RBFOX3: variants seen among roughly 807,000 people sequenced by gnomAD.
RBFOX3 encodes the protein RNA binding fox-1 homolog 3, also known as RNA binding protein fox-1 homolog 3.
Under a neutral mutation model 48.7 loss-of-function variants are expected in RBFOX3, and 17 were observed. The ratio of observed to expected loss-of-function variants is 0.35; its 90% CI spans 0.24 to 0.52. The LOEUF (loss-of-function observed/expected upper bound fraction) is 0.52, where lower values mean the gene tolerates loss of function less well. Among genes scored for constraint, RBFOX3 ranks in the 20% least tolerant of loss-of-function variants. The pLI, the probability that RBFOX3 is intolerant of heterozygous loss-of-function variation, is 0.94. For missense variants in RBFOX3, 382 were observed against 497.5 expected (o/e 0.77, Z 2.21); for synonymous variants, 212 against 209.5 (o/e 1.01, Z -0.10).
At chr17:79,579,647 A>G (rs2092981154) in intron 1 of RBFOX3, among the ~76,000 whole-genome samples, 1 of 151,820 alleles carries the variant, frequency 6.6e-6, no homozygotes, top group Non-Finnish European at 1.5e-5. Context: ...ATGGAGCAGA[A>G]TGTGGTCAGG....
At chr17:79,357,755 T>G (rs2085467787) in intron 2 of RBFOX3, among the ~76,000 whole-genome samples, 1 of 151,722 alleles carries the variant, frequency 6.6e-6, no homozygotes, top group Admixed American at 6.6e-5. Flanking sequence ...GAAGTGCGTT[T>G]GTTGAATTTG....
chr17:79,152,928 T>A (rs1045626121), intron 4 of RBFOX3, among the ~76,000 whole-genome samples: 1 of 152,008 alleles, frequency 6.6e-6, no homozygotes, highest in Non-Finnish European at 1.5e-5. Flanking sequence ...GTGCTGGGGG[T>A]GTTTCCAGCC....
At chr17:79,345,249 T>C (rs1329213678) in intron 2 of RBFOX3, among the ~76,000 whole-genome samples, 3 of 152,256 alleles carry the variant, frequency 2.0e-5, no homozygotes, top group Non-Finnish European at 1.5e-5. Context: ...GACATTTACG[T>C]GCATAGAGTT....
chr17:79,102,193 T>C (rs1347202092), intron 8 of RBFOX3, among the ~76,000 whole-genome samples: 4 of 152,266 alleles, frequency 2.6e-5, no homozygotes, highest in Non-Finnish European at 4.4e-5. Context: ...GGGCACGAAG[T>C]CACCTATTTT....
At chr17:79,529,604 A>G (rs147863705) in intron 1 of RBFOX3, among the ~76,000 whole-genome samples, 27,619 of 152,138 alleles carry the variant, frequency 0.18, 6,593 homozygotes, top group African/African-American at 0.55. Context: ...CCAAGAGGGA[A>G]GAGGATGCTT....
At chr17:79,208,452 C>T (rs570691758) in intron 4 of RBFOX3, 2 of 152,454 alleles carry the variant, frequency 1.3e-5, no homozygotes, top group Admixed American at 1.3e-4. Context: ...CACTTGCCTT[C>T]TGCTGGGGTC....
chr17:79,092,357 G>A (rs55855928), intron 14 of RBFOX3: 94,935 of 985,518 alleles, frequency 0.096, 5,062 homozygotes, highest in African/African-American at 0.17. Context: ...AGGAAATCAC[G>A]GTTGCAGACA....
At chr17:79,478,329 G>A (rs1050705075) in intron 2 of RBFOX3, among the ~76,000 whole-genome samples, 12 of 152,232 alleles carry the variant, frequency 7.9e-5, no homozygotes, top group African/African-American at 2.7e-4. Flanking sequence ...GGATGGATGA[G>A]TTTGGATAGT....
At chr17:79,117,919 C>G (rs900304356) in intron 4 of RBFOX3, among the ~76,000 whole-genome samples, 2 of 152,196 alleles carry the variant, frequency 1.3e-5, no homozygotes, top group African/African-American at 4.8e-5. Flanking sequence ...CCTGGCTGCA[C>G]CAGGGAGGTG....
intron 1 of RBFOX3, among the ~76,000 whole-genome samples, chr17:79,497,653 C>A (rs1392238849): frequency 1.3e-5 from 2 of 152,262 alleles, no homozygotes; most frequent in Admixed American, 1.3e-4. Flanking sequence ...TGTCCTCTTC[C>A]CAGCCCCCCA....
At chr17:79,215,155 G>A (rs994979239) in intron 4 of RBFOX3, among the ~76,000 whole-genome samples, 2 of 152,170 alleles carry the variant, frequency 1.3e-5, no homozygotes, top group Non-Finnish European at 2.9e-5. Context: ...GTTGGCTCTG[G>A]GGGAAGTGGG....
intron 2 of RBFOX3, among the ~76,000 whole-genome samples, chr17:79,348,524 T>A (rs935123431): frequency 1.3e-5 from 2 of 151,032 alleles, no homozygotes; most frequent in Non-Finnish European, 2.9e-5. Flanking sequence ...AAGGAGCTAG[T>A]GGTCTTGCTG....
chr17:79,428,658 T>C (rs930208507), intron 2 of RBFOX3, among the ~76,000 whole-genome samples: 5 of 152,166 alleles, frequency 3.3e-5, no homozygotes, highest in Admixed American at 1.3e-4. Context: ...GACGCCCACG[T>C]CCACACCCCT....
Position 79,250,469 on chromosome 17 carries a change from T to G in RBFOX3, c.-73-14664A>C, listed in dbSNP as rs8075574. Among the ~76,000 whole-genome samples the G allele has an allele frequency of 5.7e-3, 870 of 152,318 alleles. 10 individuals are homozygous for G. Among genetic ancestry groups the G allele is most frequent in the African/African-American group, 0.02 (823 of 41,560 alleles). ...TTTAAAGAATAATAAAAATAATTTT[T>G]GTTGTAGGAGGAGTTCCTGATGAGG... On this transcript the variant is annotated intron_variant, in intron 3 of 14. Transcript: ENST00000693108.
chr17:79,470,135 GC>G (rs1384424574), intron 2 of RBFOX3, among the ~76,000 whole-genome samples: 11 of 152,054 alleles, frequency 7.2e-5, no homozygotes, highest in African/African-American at 2.7e-4. Flanking sequence ...ACAGCCCCTG[GC>G]CCCGATCCAG....
intron 14 of RBFOX3, 24 bp downstream of exon 14, chr17:79,094,427 G>A: frequency 3.4e-6 from 5 of 1,486,998 alleles, no homozygotes; most frequent in South Asian, 1.3e-5. Flanking sequence ...GGCACCCAGG[G>A]CTGGGCGGGC....
intron 1 of RBFOX3, among the ~76,000 whole-genome samples, chr17:79,570,889 G>C (rs1423459833): frequency 1.3e-5 from 2 of 152,192 alleles, no homozygotes; most frequent in Non-Finnish European, 2.9e-5. Flanking sequence ...TTAAAAAATA[G>C]AATGTCATGT....
At chr17:79,281,927 G>C (rs112827985) in intron 3 of RBFOX3, among the ~76,000 whole-genome samples, 1 of 152,186 alleles carries the variant, frequency 6.6e-6, no homozygotes, top group African/African-American at 2.4e-5. Context: ...GCAGAAAGAC[G>C]TCAGAACAGG....
chr17:79,242,439 A>C lies in RBFOX3; in HGVS notation c.-73-6634T>G, dbSNP rs192912502. Among the ~76,000 whole-genome samples the C allele has an allele frequency of 6.6e-6, 1 of 152,298 alleles. No homozygotes were observed. Among genetic ancestry groups the C allele is most frequent in the East Asian group, 1.9e-4 (1 of 5,182 alleles). The stretch of plus-strand genomic sequence containing the variant: ...ATAAAAAATCAACTGTGGGTGGCTT[A>C]AACCTGGCTTGTGATGACGGTGATC... On this transcript the variant is annotated intron_variant, in intron 3 of 14. Transcript: ENST00000693108. This position sits in a 1 kb window ranked among gnomAD's most constrained non-coding sequence, Gnocchi z 5.8.
Sources: allele counts gnomAD v4.1 joint callset (sites outside exome capture counted in the v4.1 genomes callset), GRCh38; gene constraint gnomAD v4.1.1; non-coding constraint Gnocchi (gnomAD v3.1); transcripts MANE v1.5; gene names NCBI Gene and HGNC (gene_info 2026-07-23, HGNC 2026-07-21).